The following PRKCSH variants were observed in gnomAD, a reference collection of about 807,000 sequenced individuals.
The protein encoded by PRKCSH is PRKCSH beta subunit of glucosidase II.
A neutral mutation model predicts 79.7 loss-of-function variants in PRKCSH; 42 were observed. The observed-to-expected ratio is 0.53, with a 90% confidence interval of 0.41 to 0.68. The LOEUF (loss-of-function observed/expected upper bound fraction) is 0.68. Among genes scored for constraint, PRKCSH ranks in the 30% least tolerant of loss-of-function variants. The pLI is 0.00. For missense variants in PRKCSH, 686 were observed against 709.0 expected (o/e 0.97, Z 0.37); for synonymous variants, 325 against 288.2 (o/e 1.13, Z -1.29).
At position 11,449,399 on chromosome 19, in the gene PRKCSH, A is replaced by G; in HGVS notation, c.1595A>G (p.His532Arg). The change falls in exon 17 of 18, where the codon CAT (histidine) becomes CGT (arginine). Residue 532 changes from histidine (H) to arginine (R), a missense_variant. Transcript: ENST00000677123. This position sits in a 1 kb window ranked among gnomAD's most constrained non-coding sequence, Gnocchi z 6.4. ...CCTGAAGCACCCACCGAAGACGACC[A>G]TGACGAGCTCTAGCTGGATGGGCGC... ...PPPEAPTEDD[H>R]DEL 6.2e-7 allele frequency: 1 copy of G among 1,613,190 alleles called. No individual in the cohort carries two copies.
Position 11,449,232 on chromosome 19 carries a change from G to A in PRKCSH, c.1462-34G>A, listed in dbSNP as rs776875541. The A allele has an allele frequency of 1.2e-5, 19 of 1,613,446 alleles. No homozygotes were observed. The highest frequency in any genetic ancestry group is 6.7e-5 in the African/African-American group (5 of 74,914). ...GGGGAGACCCAGGCCTGGCCCAGCC[G>A]AACCCTCTCGAGCACCCGTCTGCCC... On this transcript the variant is annotated intron_variant, in intron 16 of 17. Transcript: ENST00000677123. The surrounding 1 kb of genome is among the most constrained non-coding windows in gnomAD (Gnocchi z 6.4).
intron 5 of PRKCSH, among the ~76,000 whole-genome samples, chr19:11,438,897 T>A (rs998117926): frequency 1.1e-4 from 16 of 151,834 alleles, no homozygotes; most frequent in African/African-American, 3.6e-4. Context: ...ATAGGCATGA[T>A]GATTTATTTT....
chr19:11,443,717 TAATA>T (rs1970170425), intron 7 of PRKCSH, among the ~76,000 whole-genome samples: 1 of 151,804 alleles, frequency 6.6e-6, no homozygotes, highest in Admixed American at 6.6e-5. Context: ...CTAAAAAAAA[TAATA>T]AAGAGCTTTT....
At chr19:11,442,035 G>A (rs1252567743) in intron 6 of PRKCSH, among the ~76,000 whole-genome samples, 2 of 152,226 alleles carry the variant, frequency 1.3e-5, no homozygotes, top group African/African-American at 2.4e-5. Context: ...AGTTAGCCAG[G>A]TAGAGTGTTC....
intron 3 of PRKCSH, chr19:11,436,787 G>T (rs551468234): frequency 1.5e-4 from 66 of 432,724 alleles, no homozygotes; most frequent in Non-Finnish European, 2.5e-4. Context: ...CAAACCCCTA[G>T]AAGTGGGAGA....
Position 11,447,984 on chromosome 19 carries a change from C to A in PRKCSH, c.1126+195C>A. ...CGCCAGCCCCAAGGGGCCCTTCTGC[C>A]TCCCCAAGGGCCGCAGCTTGTTTGT... is the stretch of plus-strand genomic sequence containing the variant. On this transcript the variant is annotated intron_variant, in intron 12 of 17. Coordinates refer to ENST00000677123, the MANE Select transcript of PRKCSH (RefSeq NM_001289104.2). The surrounding 1 kb of genome is among the most constrained non-coding windows in gnomAD (Gnocchi z 5.6). The A allele has an allele frequency of 1.3e-6, 1 of 772,650 alleles. No individual in the cohort carries two copies. Among genetic ancestry groups the A allele is most frequent in the Non-Finnish European group, 2.1e-6 (1 of 487,472 alleles). 47.9% of individuals were successfully genotyped at this position (772,650 alleles called of 1,614,324 possible).
At chr19:11,435,777 G>A in intron 1 of PRKCSH, 71 bp downstream of exon 1, 1 of 1,395,906 alleles carries the variant, frequency 7.2e-7, no homozygotes, top group African/African-American at 1.4e-5. Flanking sequence ...TGCATGTGTG[G>A]GTGTGGACGG....
chr19:11,437,058 C>T (rs940576859), intron 3 of PRKCSH, among the ~76,000 whole-genome samples: 3 of 150,902 alleles, frequency 2.0e-5, no homozygotes, highest in Non-Finnish European at 3.0e-5. Flanking sequence ...TGTTTTGAGA[C>T]GGAGTCTTGC....
chr19:11,444,349 G>A (rs1450698344), intron 7 of PRKCSH, among the ~76,000 whole-genome samples: 1 of 152,128 alleles, frequency 6.6e-6, no homozygotes, highest in African/African-American at 2.4e-5. Context: ...GCTGAGCCAG[G>A]GCTCCGAGGG....
Position 11,448,132 on chromosome 19 carries a change from A to C in PRKCSH, c.1127-90A>C. 1 of 1,321,878 alleles carries C rather than the reference A, an allele frequency of 7.6e-7. No homozygotes were observed. Among genetic ancestry groups the C allele is most frequent in the Non-Finnish European group, 1.1e-6 (1 of 939,428 alleles). The allele number at this position is 1,321,878 out of a possible 1,614,324, so 81.9% of individuals were successfully genotyped here. On this transcript the variant is annotated intron_variant, in intron 12 of 17. Coordinates refer to ENST00000677123, the MANE Select transcript of PRKCSH (RefSeq NM_001289104.2). This position sits in a 1 kb window ranked among gnomAD's most constrained non-coding sequence, Gnocchi z 4.4. ...TCCTTGGCCAGAGCAAAATGAGGGT[A>C]TGGGAGCACACAGCCACATCCATGG...
intron 7 of PRKCSH, among the ~76,000 whole-genome samples, chr19:11,443,081 C>T (rs1266922639): frequency 2.0e-5 from 3 of 152,096 alleles, no homozygotes; most frequent in Admixed American, 6.6e-5. Context: ...GACCATTTTT[C>T]CTATCAGGTG....
In PRKCSH at chr19:11,449,477, G is replaced by A. The variant is rs1429672605; in HGVS notation, c.*16+49G>A. 1.4e-5 allele frequency: 22 copies of A among 1,609,652 alleles called. No individual in the cohort carries two copies. Among genetic ancestry groups the A allele is most frequent in the Middle Eastern group, 1.7e-4 (1 of 5,996 alleles). On this transcript the variant is annotated intron_variant, in intron 17 of 17. Coordinates refer to ENST00000677123, the MANE Select transcript of PRKCSH (RefSeq NM_001289104.2). The surrounding 1 kb of genome is among the most constrained non-coding windows in gnomAD (Gnocchi z 6.4). The stretch of plus-strand genomic sequence containing the variant: ...TCGGCCTGCCCCAGCAAGGGGAGGC[G>A]GCGGGCCCTGAGGAAGATGGACCCA...
In PRKCSH at chr19:11,447,390, G is replaced by A. The variant is rs1970359155; in HGVS notation, c.850-49G>A. ...TGGGCTGTGGTGTGAGCCTGAGGGT[G>A]TGGGTGGACCCTGAGTCCACAACAC... On this transcript the variant is annotated intron_variant, in intron 10 of 17. Coordinates refer to ENST00000677123, the MANE Select transcript of PRKCSH (RefSeq NM_001289104.2). This position sits in a 1 kb window ranked among gnomAD's most constrained non-coding sequence, Gnocchi z 5.6. The A allele has an allele frequency of 1.3e-6, 2 of 1,586,290 alleles. No individual in the cohort carries two copies. Among genetic ancestry groups the A allele is most frequent in the Non-Finnish European group, 1.7e-6 (2 of 1,157,134 alleles).
intron 1 of PRKCSH, 24 bp from the exon 2 acceptor site, chr19:11,436,017 C>T (rs1367734157): frequency 1.3e-6 from 2 of 1,509,182 alleles, no homozygotes; most frequent in Admixed American, 1.7e-5. Context: ...CTCCCACTGA[C>T]CGGGATCCGC....
rs749563128 is a variant in PRKCSH, at chr19:11,442,474, C to A, written c.557C>A (p.Pro186Gln). The change falls in exon 7 of 18, where the codon CCA becomes CAA. Residue 186 changes from proline to glutamine, a missense_variant. Around this residue, in one of 2 missense-constraint regions of PRKCSH, gnomAD observed 549 missense variants for 520.2 expected, o/e 1.06. Coordinates refer to ENST00000677123, the MANE Select transcript of PRKCSH (RefSeq NM_001289104.2). ...LRTVKEEAEK[P>Q]EREAKEQHQK... ...ACAGTGAAGGAGGAAGCTGAGAAGC[C>A]AGAGAGAGAGGCCAAAGAGCAGCAC... 23 of 1,611,940 alleles carry A rather than the reference C, an allele frequency of 1.4e-5. No homozygotes were observed. In the East Asian group the frequency reaches 5.1e-4, roughly 36 times the overall value.
In PRKCSH at chr19:11,447,427, C is replaced by T. The variant is rs201874863; in HGVS notation, c.850-12C>T. 6.3e-5 allele frequency: 101 copies of T among 1,613,494 alleles called. No homozygotes were observed. Among genetic ancestry groups the T allele is most frequent in the Admixed American group, 2.2e-4 (13 of 59,986 alleles). ...TGAGTCCACAACACCGACCGCACTG[C>T]TCACCCGCCAGGCACTGCCCACCGA... On this transcript the variant is annotated splice_polypyrimidine_tract_variant and intron_variant, in intron 10 of 17. Coordinates refer to ENST00000677123, the MANE Select transcript of PRKCSH (RefSeq NM_001289104.2). This position sits in a 1 kb window ranked among gnomAD's most constrained non-coding sequence, Gnocchi z 5.6.
Position 11,449,631 on chromosome 19 carries a change from C to G in PRKCSH, c.*16+203C>G, listed in dbSNP as rs985574009. 5 of 639,534 alleles carry G rather than the reference C, an allele frequency of 7.8e-6. No individual in the cohort carries two copies. The highest frequency in any genetic ancestry group is 1.3e-5 in the Non-Finnish European group (5 of 374,542). 39.6% of individuals were successfully genotyped at this position (639,534 alleles called of 1,614,324 possible). A position where few individuals can be genotyped will look rare whatever the true frequency, so the allele number is the denominator to read the frequency against. ...GACCTCAGCTGACTGCAACCTCTACCTCCCGGGTTCAAACAATTGTCTTGT... is the reference window on the plus strand; with the variant it reads ...GACCTCAGCTGACTGCAACCTCTACGTCCCGGGTTCAAACAATTGTCTTGT... On this transcript the variant is annotated intron_variant, in intron 17 of 17. Coordinates refer to ENST00000677123, the MANE Select transcript of PRKCSH (RefSeq NM_001289104.2). The surrounding 1 kb of genome is among the most constrained non-coding windows in gnomAD (Gnocchi z 6.4).
chr19:11,437,037 G>T (rs456854), intron 3 of PRKCSH, among the ~76,000 whole-genome samples: 27,416 of 149,662 alleles, frequency 0.18, 3,969 homozygotes, highest in African/African-American at 0.41. Flanking sequence ...CCGTGTCTTT[G>T]GTTTTGTTTT....
intron 7 of PRKCSH, among the ~76,000 whole-genome samples, chr19:11,444,964 G>A (rs564007975): frequency 3.7e-4 from 56 of 151,984 alleles, no homozygotes; most frequent in Non-Finnish European, 6.3e-4. Context: ...CTCCATCTGC[G>A]TCTCCCCAGA....
Sources: allele counts gnomAD v4.1 joint callset (sites outside exome capture counted in the v4.1 genomes callset), GRCh38; gene constraint gnomAD v4.1.1; regional missense constraint gnomAD v4.1.1; non-coding constraint Gnocchi (gnomAD v3.1); transcripts MANE v1.5; gene names NCBI Gene and HGNC (gene_info 2026-07-23, HGNC 2026-07-21).